The following PARD3 variants were observed in gnomAD, a reference collection of about 807,000 sequenced individuals.
The protein encoded by PARD3 is par-3 family cell polarity regulator.
Under a neutral mutation model 155.4 loss-of-function variants are expected in PARD3, and 75 were observed. The ratio of observed to expected loss-of-function variants is 0.48; its 90% CI spans 0.40 to 0.58. The LOEUF (loss-of-function observed/expected upper bound fraction) is 0.58, where lower values mean the gene tolerates loss of function less well. Among genes scored for constraint, PARD3 ranks in the 20% least tolerant of loss-of-function variants. PARD3 has a pLI of 0.00. For missense variants in PARD3, 1,642 were observed against 1,721.7 expected (o/e 0.95, Z 0.82); for synonymous variants, 576 against 610.5 (o/e 0.94, Z 0.83).
chr10:34,314,610 G>A (rs1957893063), intron 20 of PARD3, among the ~76,000 whole-genome samples: 1 of 152,154 alleles, frequency 6.6e-6, no homozygotes, highest in African/African-American at 2.4e-5. Context: ...CTGTTTTGTG[G>A]AATTCCATAG....
intron 23 of PARD3, among the ~76,000 whole-genome samples, chr10:34,129,886 T>G (rs1947515119): frequency 6.8e-6 from 1 of 148,062 alleles, no homozygotes; most frequent in South Asian, 2.2e-4. Context: ...CCCAAGCTGG[T>G]CTCAAACTCC....
intron 7 of PARD3, among the ~76,000 whole-genome samples, chr10:34,399,076 T>C (rs1843633520): frequency 6.6e-6 from 1 of 152,186 alleles, no homozygotes; most frequent in Non-Finnish European, 1.5e-5. Flanking sequence ...AAATGTTTGC[T>C]TGAGTGTGAT....
At chr10:34,431,740 CAAAAAAAAAA>C (rs57001926) in intron 5 of PARD3, among the ~76,000 whole-genome samples, 7 of 25,200 alleles carry the variant, frequency 2.8e-4, no homozygotes, top group African/African-American at 7.0e-4. Context: ...AACTCTGTCT[CAAAAAAAAAA>C]AAAAAAAAAA....
chr10:34,743,203 G>C (rs2095050108), intron 1 of PARD3, among the ~76,000 whole-genome samples: 1 of 152,118 alleles, frequency 6.6e-6, no homozygotes, highest in South Asian at 2.1e-4. Flanking sequence ...CAAAGGCATG[G>C]CAGAGCTCCA....
In PARD3 at chr10:34,442,565, T is replaced by TA. The variant is rs199726994; in HGVS notation, c.714+7751dup. On this transcript the variant is annotated intron_variant, in intron 5 of 24. Transcript: ENST00000374788. ...AACATTTAAAAGGCCTCACATTCGT[T>TA]AAAAAAAAAGAAAGAAAGAAAATAC... 5.9e-3 allele frequency among the ~76,000 whole-genome samples: 892 copies of TA among 151,086 alleles called. 8 individuals carry two copies. The highest frequency in any genetic ancestry group is 0.02 in the African/African-American group (811 of 41,232).
At chr10:34,483,106 A>G (rs1031428933) in intron 3 of PARD3, among the ~76,000 whole-genome samples, 1 of 152,150 alleles carries the variant, frequency 6.6e-6, no homozygotes, top group African/African-American at 2.4e-5. Context: ...CGGTGAGCCA[A>G]GATCGCACCA....
At chr10:34,373,858 T>C (rs1282329181) in intron 11 of PARD3, among the ~76,000 whole-genome samples, 1 of 151,880 alleles carries the variant, frequency 6.6e-6, no homozygotes, top group African/African-American at 2.4e-5. Context: ...AAATAGTTTA[T>C]ATAGAGAATA....
intron 17 of PARD3, 71 bp from the exon 18 acceptor site, chr10:34,336,314 AG>A: frequency 8.9e-7 from 1 of 1,122,498 alleles, no homozygotes; most frequent in South Asian, 1.3e-5. Context: ...CACCATTCCC[AG>A]ATCTTTTTAG....
chr10:34,449,089 T>C (rs1255672162), intron 5 of PARD3, among the ~76,000 whole-genome samples: 2 of 150,522 alleles, frequency 1.3e-5, no homozygotes, highest in Non-Finnish European at 3.0e-5. Context: ...CGGCTATTTT[T>C]TGTATTTTTA....
chr10:34,308,057 C>T (rs937575720), intron 20 of PARD3, among the ~76,000 whole-genome samples: 1 of 152,124 alleles, frequency 6.6e-6, no homozygotes, highest in Admixed American at 6.5e-5. Context: ...TGAGAAAAGG[C>T]TATTCCAGGT....
chr10:34,178,640 C>CTCA (rs988567121), intron 22 of PARD3, among the ~76,000 whole-genome samples: 22 of 152,290 alleles, frequency 1.4e-4, no homozygotes, highest in African/African-American at 5.3e-4. Context: ...CTCCATTAAA[C>CTCA]TCATCACAGA....
chr10:34,734,861 G>A (rs10128259), intron 1 of PARD3, among the ~76,000 whole-genome samples: 93,230 of 151,838 alleles, frequency 0.61, 28,946 homozygotes, highest in East Asian at 0.69. Flanking sequence ...CAAAAGCCAG[G>A]AAGTTTAACA....
At chr10:34,449,598 TA>T (rs5784417) in intron 5 of PARD3, among the ~76,000 whole-genome samples, 2 of 148,736 alleles carry the variant, frequency 1.3e-5, no homozygotes, top group Admixed American at 6.7e-5. Flanking sequence ...ACTTAAAGTA[TA>T]AAAAAAAAGT....
chr10:34,593,922 C>T (rs1374634526), intron 2 of PARD3, among the ~76,000 whole-genome samples: 3 of 152,024 alleles, frequency 2.0e-5, no homozygotes, highest in Non-Finnish European at 2.9e-5. Flanking sequence ...CTTAGAAATC[C>T]CACTGTTAAA....
intron 22 of PARD3, among the ~76,000 whole-genome samples, chr10:34,229,546 C>G (rs1952803238): frequency 6.6e-6 from 1 of 151,924 alleles, no homozygotes; most frequent in African/African-American, 2.4e-5. Flanking sequence ...ACATCTGGCC[C>G]CAACTCTTCT....
Position 34,119,596 on chromosome 10 carries a change from G to C in PARD3, c.3668+17C>G. 6.3e-7 allele frequency: 1 copy of C among 1,582,600 alleles called. No homozygotes were observed. Among genetic ancestry groups the C allele is most frequent in the East Asian group, 2.3e-5 (1 of 43,922 alleles). ...AGGGCCGGGGGGATCTGGAGGCTCG[G>C]CCAAGCGTCCTCATACCGAGGCAGA... On this transcript the variant is annotated intron_variant, in intron 24 of 24. Coordinates refer to ENST00000374788, the MANE Select transcript of PARD3 (RefSeq NM_001184785.2).
At chr10:34,448,440 A>T (rs542127588) in intron 5 of PARD3, among the ~76,000 whole-genome samples, 1 of 152,274 alleles carries the variant, frequency 6.6e-6, no homozygotes, top group East Asian at 1.9e-4. Flanking sequence ...CAATTGTAAG[A>T]TGAATGAACT....
chr10:34,438,092 G>A (rs1402213959), intron 5 of PARD3, among the ~76,000 whole-genome samples: 2 of 152,180 alleles, frequency 1.3e-5, no homozygotes, highest in African/African-American at 4.8e-5. Context: ...AGTGTGATCA[G>A]CGGTGATACA....
chr10:34,609,699 T>C (rs2090742814), intron 2 of PARD3, among the ~76,000 whole-genome samples: 1 of 152,136 alleles, frequency 6.6e-6, no homozygotes, highest in South Asian at 2.1e-4. Flanking sequence ...CACCATGTCC[T>C]GTTATTTTTA....
Sources: gnomAD v4.1 joint callset for allele counts (sites outside exome capture counted in the v4.1 genomes callset) on GRCh38, gnomAD v4.1.1 for gene constraint, MANE v1.5 for transcripts, NCBI Gene and HGNC (gene_info 2026-07-23, HGNC 2026-07-21) for gene names.